Variants in KDM4C observed in about 807,000 individuals in gnomAD.
The protein encoded by KDM4C is lysine demethylase 4C, also known as lysine-specific demethylase 4C.
In KDM4C, 81 loss-of-function variants were observed where a neutral mutation model predicts 129.3. That is an observed-to-expected ratio of 0.63 (90% CI 0.52 to 0.75). The LOEUF (loss-of-function observed/expected upper bound fraction) is 0.75, where lower values mean the gene tolerates loss of function less well. KDM4C is among the 30% of genes least tolerant of loss of function. The pLI is 0.00. For synonymous variants in KDM4C, 573 were observed against 456.1 expected, an observed-to-expected ratio of 1.26 and a Z score of -3.26; for missense variants, 1,457 against 1,304.0, an observed-to-expected ratio of 1.12 and a Z score of -1.81.
At position 6,904,247 on chromosome 9, in the gene KDM4C, GA is replaced by G. The variant is rs542043987; in HGVS notation, c.921+11024del. On this transcript the variant is annotated intron_variant, in intron 8 of 21. Transcript: ENST00000381309. ...GAGTGAGACTCCATCTCAAAAAAAAGAAAAAAAAATCTGTATCTATGTCTAT... is the reference window on the plus strand; with the variant it reads ...GAGTGAGACTCCATCTCAAAAAAAAGAAAAAAAATCTGTATCTATGTCTAT... Among the ~76,000 whole-genome samples the G allele has an allele frequency of 5.1e-3, 771 of 150,104 alleles. 8 individuals carry two copies. Among genetic ancestry groups the G allele is most frequent in the African/African-American group, 0.018 (729 of 40,984 alleles).
At chr9:7,061,771 A>C (rs571469220) in intron 17 of KDM4C, among the ~76,000 whole-genome samples, 4 of 152,290 alleles carry the variant, frequency 2.6e-5, no homozygotes, top group African/African-American at 9.6e-5. Flanking sequence ...TCTGAGAGTA[A>C]ACCTTCAGGT....
chr9:6,757,577 C>T (rs991142690), upstream of KDM4C: 2 of 956,566 alleles, frequency 2.1e-6, no homozygotes, highest in East Asian at 2.3e-4. Flanking sequence ...TCTCGCCAGG[C>T]TCTCCAGTAC....
chr9:6,947,268 T>G (rs779064950), intron 8 of KDM4C, among the ~76,000 whole-genome samples: 4 of 152,194 alleles, frequency 2.6e-5, no homozygotes, highest in Admixed American at 6.5e-5. Context: ...TTTCTAATTT[T>G]ATTGGTAAAG....
intron 4 of KDM4C, among the ~76,000 whole-genome samples, chr9:6,848,573 GCA>G (rs749900723): frequency 2.0e-5 from 3 of 152,106 alleles, no homozygotes; most frequent in Non-Finnish European, 4.4e-5. Flanking sequence ...GAAGGCTGAG[GCA>G]TAAGAATTGC....
intron 17 of KDM4C, among the ~76,000 whole-genome samples, chr9:7,073,811 A>G (rs1227523804): frequency 6.6e-6 from 1 of 152,304 alleles, no homozygotes; most frequent in East Asian, 1.9e-4. Flanking sequence ...GCCTGGTGTC[A>G]GATCTGTTGG....
rs763256909 is a variant in KDM4C at position 7,174,723 on chromosome 9, A to G, written c.3165A>G (p.Arg1055=). Residue 1055 remains arginine, a synonymous_variant, in exon 22 of 22, where the codon AGA becomes AGG. Coordinates refer to ENST00000381309, the MANE Select transcript of KDM4C (RefSeq NM_015061.6). The part of the protein sequence containing the change: ...KSSFQKKCQK[R]Q ...CTTTCCAGAAGAAGTGCCAGAAGAG[A>G]CAGTAGTCTGCATACATCGCTGCAG... The G allele has an allele frequency of 6.2e-7, 1 of 1,613,932 alleles. No individual in the cohort carries two copies. Among genetic ancestry groups the G allele is most frequent in the South Asian group, 1.1e-5 (1 of 91,056 alleles).
At chr9:6,901,762 T>C (rs1479537863) in intron 8 of KDM4C, among the ~76,000 whole-genome samples, 1 of 152,192 alleles carries the variant, frequency 6.6e-6, no homozygotes, top group Non-Finnish European at 1.5e-5. Context: ...TGCCACAATA[T>C]GTGCTTCTGA....
chr9:6,897,228 G>T (rs971618306), intron 8 of KDM4C, among the ~76,000 whole-genome samples: 1 of 152,168 alleles, frequency 6.6e-6, no homozygotes, highest in East Asian at 1.9e-4. Flanking sequence ...TATGGATTGT[G>T]TAGAAGATCT....
intron 17 of KDM4C, among the ~76,000 whole-genome samples, chr9:7,082,099 A>AG (rs1834588684): frequency 1.3e-5 from 2 of 152,186 alleles, no homozygotes; most frequent in South Asian, 4.1e-4. Flanking sequence ...CACCTTCTCT[A>AG]GAGATTCTGC....
chr9:7,047,233 A>G (rs1829533023), intron 16 of KDM4C, among the ~76,000 whole-genome samples: 1 of 152,086 alleles, frequency 6.6e-6, no homozygotes. Flanking sequence ...GGTGTTTAAT[A>G]TGATGAATGC....
At chr9:6,769,253 C>T (rs115874345) in intron 1 of KDM4C, among the ~76,000 whole-genome samples, 1,553 of 151,590 alleles carry the variant, frequency 0.01, 31 homozygotes, top group African/African-American at 0.036. Flanking sequence ...ACATGTCATA[C>T]ATTTCTTAAA....
rs1235209479 is a variant in KDM4C, at chr9:7,165,263, C to G, written c.2807C>G (p.Pro936Arg). ...AGCCGAGACTGTCTGAAGCTGGGCC[C>G]ACCTGCTGAGGGAGAAGTCGTCCAA... ...IVSRDCLKLG[P>R]PAEGEVVQVK... Residue 936 changes from proline (P) to arginine (R), a missense_variant, in exon 20 of 22, where the codon CCA (proline) becomes CGA (arginine). By Grantham distance (103) the Pro-to-Arg change is moderately radical. Coordinates refer to ENST00000381309, the MANE Select transcript of KDM4C (RefSeq NM_015061.6). 2.5e-6 allele frequency: 4 copies of G among 1,614,154 alleles called. No homozygotes were observed. Among genetic ancestry groups the G allele is most frequent in the Non-Finnish European group, 3.4e-6 (4 of 1,180,018 alleles).
intron 8 of KDM4C, among the ~76,000 whole-genome samples, chr9:6,950,077 G>T (rs199806444): frequency 6.1e-4 from 80 of 131,164 alleles, no homozygotes; most frequent in East Asian, 1.7e-3. Flanking sequence ...ATCTTTTCTT[G>T]TTTTTTTTTT....
intron 1 of KDM4C, chr9:6,734,719 T>C (rs2130232639): frequency 6.5e-6 from 2 of 306,068 alleles, no homozygotes; most frequent in South Asian, 6.3e-5. Flanking sequence ...CAAAATAGGA[T>C]TTTTTCTGTG....
At chr9:6,983,395 A>G (rs1173207124) in intron 9 of KDM4C, among the ~76,000 whole-genome samples, 1 of 152,186 alleles carries the variant, frequency 6.6e-6, no homozygotes, top group Non-Finnish European at 1.5e-5. Context: ...GGAAGAAGAT[A>G]AAAATTGTGT....
rs1830118747 is a variant in KDM4C, at chr9:7,051,275, G to C, written c.2424+2075G>C. Among the ~76,000 whole-genome samples, 3 of 152,096 alleles carry C rather than the reference G, an allele frequency of 2.0e-5. No homozygotes were observed. The South Asian group carries it at 6.2e-4, about 32-fold the overall frequency. ...TCTAAGTTTGTAATAGTTTGACAGG[G>C]GCAATGACTGAAAGTCTGGATTCTT... On this transcript the variant is annotated intron_variant, in intron 17 of 21. Transcript: ENST00000381309.
chr9:6,722,075 G>C (rs114901003), intron 1 of KDM4C, among the ~76,000 whole-genome samples: 1 of 152,178 alleles, frequency 6.6e-6, no homozygotes, highest in Non-Finnish European at 1.5e-5. Flanking sequence ...TGTAGTTGTA[G>C]AGGAACTGTT....
chr9:6,948,909 G>A (rs1019395253), intron 8 of KDM4C, among the ~76,000 whole-genome samples: 8 of 152,136 alleles, frequency 5.3e-5, no homozygotes, highest in Non-Finnish European at 1.2e-4. Flanking sequence ...GCAACAATCT[G>A]ATTTCTCTAT....
intron 8 of KDM4C, among the ~76,000 whole-genome samples, chr9:6,957,691 CT>C (rs1157909896): frequency 2.6e-5 from 4 of 151,962 alleles, no homozygotes; most frequent in African/African-American, 9.7e-5. Context: ...AGGAGTGGGT[CT>C]GGGTGTTCAT....
Sources: allele counts gnomAD v4.1 joint callset (sites outside exome capture counted in the v4.1 genomes callset), GRCh38; gene constraint gnomAD v4.1.1; transcripts MANE v1.5; gene names NCBI Gene and HGNC (gene_info 2026-07-23, HGNC 2026-07-21).